Variants in SLC22A24 observed in about 807,000 individuals in gnomAD.
SLC22A24 encodes the protein steroid transmembrane transporter SLC22A24.
Under a neutral mutation model 49.8 loss-of-function variants are expected in SLC22A24, and 53 were observed. The ratio of observed to expected loss-of-function variants is 1.06; its 90% CI spans 0.85 to 1.34. The LOEUF is 1.34. Ranked by LOEUF, SLC22A24 falls within the 40% of genes most tolerant of loss-of-function variation. The pLI, the probability that SLC22A24 is intolerant of heterozygous loss-of-function variation, is 0.00. For synonymous variants in SLC22A24, 302 were observed against 256.4 expected, an observed-to-expected ratio of 1.18 and a Z score of -1.70; for missense variants, 786 against 675.9, an observed-to-expected ratio of 1.16 and a Z score of -1.81.
chr11:63,091,452 C>T (rs561491159), intron 6 of SLC22A24, among the ~76,000 whole-genome samples: 16 of 152,038 alleles, frequency 1.1e-4, no homozygotes, highest in African/African-American at 2.7e-4. Flanking sequence ...GACACAACAA[C>T]AAAAAAGAAA....
At chr11:63,130,758 G>C (rs1039005062) in intron 2 of SLC22A24, among the ~76,000 whole-genome samples, 1 of 152,142 alleles carries the variant, frequency 6.6e-6, no homozygotes, top group Admixed American at 6.5e-5. Context: ...TAGTTTATTT[G>C]TATAGAGGTG....
At chr11:63,104,010 A>G (rs1043512295) in intron 5 of SLC22A24, 165 bp downstream of exon 5, 10 of 600,658 alleles carry the variant, frequency 1.7e-5, no homozygotes, top group Non-Finnish European at 2.7e-5. Flanking sequence ...CAATATCTAT[A>G]TCCAAATCTT....
intron 6 of SLC22A24, among the ~76,000 whole-genome samples, chr11:63,095,181 C>T (rs922360634): frequency 9.2e-5 from 14 of 152,114 alleles, no homozygotes; most frequent in African/African-American, 3.4e-4. Context: ...GATCCAGTTT[C>T]AGCTTTCTAC....
In SLC22A24 at chr11:63,119,201, A is replaced by C. The variant is rs747797825; in HGVS notation, c.641T>G (p.Leu214Trp). 54 of 1,544,426 alleles carry C rather than the reference A, an allele frequency of 3.5e-5. No individual in the cohort carries two copies. The Middle Eastern group carries it at 6.7e-4, about 19-fold the overall frequency. ...FLAGFSTMTI[L>W]GNTFILSLEW... ...CTTACTGAGAATAAAAGTGTTTCCC[A>C]AAATAGTCATGGTGGAGAACCCTGC... Residue 214 changes from leucine (L) to tryptophan (W), a missense_variant, in exon 3 of 10, where the codon TTG becomes TGG. Transcript: ENST00000612278.
intron 5 of SLC22A24, 69 bp downstream of exon 5, chr11:63,104,106 C>A (rs1350020764): frequency 1.3e-6 from 2 of 1,509,178 alleles, no homozygotes; most frequent in African/African-American, 1.4e-5. Flanking sequence ...CTCCAGGAAC[C>A]TAGACTAGTA....
intron 1 of SLC22A24, among the ~76,000 whole-genome samples, chr11:63,136,135 C>T (rs1459069150): frequency 6.6e-6 from 1 of 152,156 alleles, no homozygotes; most frequent in Non-Finnish European, 1.5e-5. Context: ...ATTCCTCAAT[C>T]AGATTGTAAT....
intron 1 of SLC22A24, among the ~76,000 whole-genome samples, chr11:63,142,293 C>T (rs573577421): frequency 2.2e-4 from 34 of 152,236 alleles, no homozygotes; most frequent in East Asian, 1.9e-3. Context: ...GGCCTTTTCC[C>T]GTCTTCATAG....
chr11:63,080,846 G>A (rs575182847), intron 9 of SLC22A24, 74 bp downstream of exon 9: 31 of 1,334,464 alleles, frequency 2.3e-5, no homozygotes, highest in African/African-American at 1.7e-4. Context: ...CCAAATGGTC[G>A]TTGACCTTTC....
At chr11:63,132,491 G>T (rs940796076) in intron 2 of SLC22A24, among the ~76,000 whole-genome samples, 1 of 151,710 alleles carries the variant, frequency 6.6e-6, no homozygotes, top group Non-Finnish European at 1.5e-5. Context: ...TTTGTTGATG[G>T]TGATGCTATT....
chr11:63,135,468 A>G (rs1289334262), intron 1 of SLC22A24, among the ~76,000 whole-genome samples: 1 of 152,230 alleles, frequency 6.6e-6, no homozygotes, highest in African/African-American at 2.4e-5. Flanking sequence ...TCCCTAGATT[A>G]AATGACATAG....
chr11:63,142,557 C>A (rs1033438527), intron 1 of SLC22A24, among the ~76,000 whole-genome samples: 6 of 152,154 alleles, frequency 3.9e-5, no homozygotes, highest in Admixed American at 1.3e-4. Flanking sequence ...ACTAGATTAA[C>A]GTTAGCCACA....
At chr11:63,133,800 A>G (rs2134680703) in intron 2 of SLC22A24, among the ~76,000 whole-genome samples, 1 of 152,168 alleles carries the variant, frequency 6.6e-6, no homozygotes, top group East Asian at 1.9e-4. Flanking sequence ...GCCAGCCACC[A>G]TGCCAGGCTA....
rs192284163 is a variant in SLC22A24 at position 63,113,304 on chromosome 11, A to T, written c.830+5608T>A. Among the ~76,000 whole-genome samples the T allele has an allele frequency of 4.2e-4, 63 of 150,798 alleles. 2 individuals carry two copies. Among genetic ancestry groups the T allele is most frequent in the Admixed American group, 4.1e-3 (62 of 15,056 alleles). On this transcript the variant is annotated intron_variant, in intron 4 of 9. Coordinates refer to ENST00000612278, the MANE Select transcript of SLC22A24 (RefSeq NM_001136506.2). ...ACTTTGATCCTGTCGTTATTATGTT[A>T]GCTAGTTATTTTGCCTGTTAATTGA...
At chr11:63,138,667 A>G (rs898007629) in intron 1 of SLC22A24, among the ~76,000 whole-genome samples, 3 of 141,812 alleles carry the variant, frequency 2.1e-5, no homozygotes, top group African/African-American at 8.0e-5. Context: ...AAAAAAAAAA[A>G]AAGAAATTGG....
intron 1 of SLC22A24, among the ~76,000 whole-genome samples, chr11:63,136,206 A>G (rs1298675014): frequency 2.6e-5 from 4 of 152,196 alleles, no homozygotes; most frequent in Non-Finnish European, 1.5e-5. Flanking sequence ...GACTGGATTG[A>G]GAAGCAGCTC....
intron 1 of SLC22A24, among the ~76,000 whole-genome samples, chr11:63,137,173 C>A (rs537017931): frequency 2.0e-5 from 3 of 152,076 alleles, no homozygotes; most frequent in Non-Finnish European, 2.9e-5. Flanking sequence ...TTCTTTCTAA[C>A]TAGTAGGAAG....
At chr11:63,123,345 G>A (rs986802437) in intron 2 of SLC22A24, among the ~76,000 whole-genome samples, 1 of 152,142 alleles carries the variant, frequency 6.6e-6, no homozygotes, top group Non-Finnish European at 1.5e-5. Flanking sequence ...TGATCATATG[G>A]TGAGTTCCTG....
intron 4 of SLC22A24, among the ~76,000 whole-genome samples, chr11:63,114,250 GC>G (rs2087196338): frequency 6.6e-6 from 1 of 152,144 alleles, no homozygotes; most frequent in Admixed American, 6.5e-5. Context: ...TTTCTTAGAA[GC>G]TTTGTTCACT....
In SLC22A24 at chr11:63,134,788, G is replaced by A. The variant is rs572610991; in HGVS notation, c.403-20C>T. Reference sequence around the variant, plus strand: ...GTCCCACTGGAAGAGAAAGAAAGCAGTACAGCAGAGCTTGAGAAGAGTTTC... The same window carrying A: ...GTCCCACTGGAAGAGAAAGAAAGCAATACAGCAGAGCTTGAGAAGAGTTTC... On this transcript the variant is annotated intron_variant, in intron 1 of 9. Coordinates refer to ENST00000612278, the MANE Select transcript of SLC22A24 (RefSeq NM_001136506.2). 2 of 1,501,100 alleles carry A rather than the reference G, an allele frequency of 1.3e-6. No homozygotes were observed. The highest frequency in any genetic ancestry group is 1.9e-5 in the Admixed American group (1 of 52,096). The allele number at this position is 1,501,100 out of a possible 1,614,324, so 93.0% of individuals were successfully genotyped here. A position where few individuals can be genotyped will look rare whatever the true frequency, so the allele number is the denominator to read the frequency against.
Sources: allele counts gnomAD v4.1 joint callset (sites outside exome capture counted in the v4.1 genomes callset), GRCh38; gene constraint gnomAD v4.1.1; transcripts MANE v1.5; gene names NCBI Gene and HGNC (gene_info 2026-07-23, HGNC 2026-07-21).